PDK3: variants seen among roughly 807,000 people sequenced by gnomAD.
PDK3 encodes pyruvate dehydrogenase kinase, isozyme 3.
A neutral mutation model predicts 32.0 loss-of-function variants in PDK3; 12 were observed. The ratio of observed to expected loss-of-function variants is 0.37; its 90% CI spans 0.24 to 0.61. The LOEUF (loss-of-function observed/expected upper bound fraction) is 0.61, where lower values mean the gene tolerates loss of function less well. Ranked by LOEUF, PDK3 falls within the 20% of genes least tolerant of loss-of-function variation. The pLI, the probability that PDK3 is intolerant of heterozygous loss-of-function variation, is 0.65. For synonymous variants in PDK3, 122 were observed against 116.3 expected (o/e 1.05, Z -0.31); for missense variants, 188 against 316.9 (o/e 0.59, Z 3.09).
intron 1 of PDK3, among the ~76,000 whole-genome samples, chrX:24,471,561 A>G (rs1417714233): frequency 1.8e-5 from 2 of 112,456 alleles, no homozygotes; most frequent in Non-Finnish European, 3.8e-5. Flanking sequence ...CTCTCTTCTC[A>G]GGTTGCAGAG....
At chrX:24,547,865 C>T (rs915728408) in exon 12 of PDK3, 2 of 112,819 alleles carry the variant, frequency 1.8e-5, no homozygotes, top group Non-Finnish European at 3.7e-5. Context: ...ATCGCGTCCA[C>T]GCCTGGCTTT....
chrX:24,529,256 G>A (rs968401366), intron 9 of PDK3, among the ~76,000 whole-genome samples: 2 of 112,006 alleles, frequency 1.8e-5, no homozygotes. Flanking sequence ...ATAGCATCTT[G>A]AGGATAGCTG....
At chrX:24,532,684 G>C (rs983544092) in intron 10 of PDK3, among the ~76,000 whole-genome samples, 13 of 111,865 alleles carry the variant, frequency 1.2e-4, no homozygotes, top group African/African-American at 1.9e-4. Context: ...ATCACCACCG[G>C]TCTCAGCGTC....
chrX:24,496,518 T>G (rs1238083515), intron 2 of PDK3, among the ~76,000 whole-genome samples: 1 of 105,863 alleles, frequency 9.4e-6, no homozygotes, highest in Non-Finnish European at 1.9e-5. Flanking sequence ...TCTTCTAATA[T>G]GTAGAACTTG....
intron 1 of PDK3, among the ~76,000 whole-genome samples, chrX:24,471,423 C>T (rs1920989884): frequency 9.0e-6 from 1 of 111,655 alleles, no homozygotes; most frequent in African/African-American, 3.3e-5. Context: ...TTATTTATGT[C>T]TAGTTTTGTT....
At chrX:24,517,519 G>A (rs949550859) in intron 5 of PDK3, among the ~76,000 whole-genome samples, 28 of 111,651 alleles carry the variant, frequency 2.5e-4, no homozygotes, top group East Asian at 5.6e-4. Flanking sequence ...CACTGCACCC[G>A]GCTCAAGGAC....
chrX:24,499,378 A>G (rs935171962), intron 3 of PDK3, among the ~76,000 whole-genome samples: 3 of 111,468 alleles, frequency 2.7e-5, no homozygotes, highest in African/African-American at 9.8e-5. Context: ...TGCTCCCTTT[A>G]TGCACAGACT....
chrX:24,484,966 C>T (rs1310402130), intron 1 of PDK3, among the ~76,000 whole-genome samples: 1 of 111,297 alleles, frequency 9.0e-6, no homozygotes, highest in Admixed American at 9.6e-5. Context: ...ATGTCCTCAG[C>T]TTAAGGGTAT....
At chrX:24,470,737 C>G (rs1000598340) in intron 1 of PDK3, among the ~76,000 whole-genome samples, 2 of 106,850 alleles carry the variant, frequency 1.9e-5, no homozygotes, top group African/African-American at 6.8e-5. Context: ...GAAAATTATC[C>G]TACTCATTGA....
At chrX:24,534,619 A>G (rs1276740279), downstream of PDK3, among the ~76,000 whole-genome samples, 1 of 112,433 alleles carries the variant, frequency 8.9e-6, no homozygotes, top group East Asian at 2.8e-4. Context: ...GAATGTACTC[A>G]ATGCCACTGA....
At chrX:24,530,417 A>G (rs1922622509) in intron 9 of PDK3, among the ~76,000 whole-genome samples, 1 of 111,909 alleles carries the variant, frequency 8.9e-6, no homozygotes, top group Admixed American at 9.5e-5. Flanking sequence ...CACTGTGCCA[A>G]GATTTTATAC....
chrX:24,505,287 A>G lies in PDK3; in HGVS notation c.584A>G (p.Asp195Gly). 1 of 1,191,244 alleles carries G rather than the reference A, an allele frequency of 8.4e-7. No homozygotes were observed. The highest frequency in any genetic ancestry group is 1.1e-6 in the Non-Finnish European group (1 of 878,023). ...GSIDPTCNVA[D>G]VVKDAYETAK... ...ATCGATCCCACCTGTAACGTGGCGG[A>G]TGTGGTGAAAGGTAAGGAGACCGTT... The change falls in exon 5 of 11, where the codon GAT (aspartate) becomes GGT (glycine). Residue 195 changes from aspartate to glycine, a missense_variant. By Grantham distance (94) the Asp-to-Gly change is moderately conservative. Coordinates refer to ENST00000379162, the MANE Select transcript of PDK3 (RefSeq NM_005391.5).
intron 5 of PDK3, among the ~76,000 whole-genome samples, chrX:24,509,397 T>C (rs1008337367): frequency 2.7e-5 from 3 of 111,615 alleles, no homozygotes; most frequent in Non-Finnish European, 3.8e-5. Flanking sequence ...GCCACTCACT[T>C]AGCATAATTA....
At position 24,471,025 on chromosome X, in the gene PDK3, G is replaced by A. The variant is rs1381964429; in HGVS notation, c.106+5464G>A. 4.5e-5 allele frequency among the ~76,000 whole-genome samples: 5 copies of A among 110,613 alleles called. No homozygotes were observed. The East Asian group carries it at 1.4e-3, about 31-fold the overall frequency. On this transcript the variant is annotated intron_variant, in intron 1 of 10. Transcript: ENST00000379162. ...CAATGAGAACACATGGACACGGCAA[G>A]GGGAACATCACACACCAGGGCCTGT...
intron 9 of PDK3, among the ~76,000 whole-genome samples, chrX:24,530,455 G>GA (rs1922623741): frequency 8.9e-6 from 1 of 111,803 alleles, no homozygotes; most frequent in African/African-American, 3.3e-5. Context: ...CCTTATAGCA[G>GA]CTCTGAGGTC....
downstream of PDK3, among the ~76,000 whole-genome samples, chrX:24,538,731 G>A (rs1238356313): frequency 3.6e-5 from 4 of 111,500 alleles, no homozygotes; most frequent in South Asian, 3.8e-4. Context: ...CCAAGATCAC[G>A]CCACTGCACT....
exon 12 of PDK3, among the ~76,000 whole-genome samples, chrX:24,541,779 T>TAA (rs949823316): frequency 4.4e-5 from 5 of 112,542 alleles, no homozygotes; most frequent in African/African-American, 1.3e-4. Context: ...GGTTTGCCTA[T>TAA]AAGCAAATGG....
Position 24,527,621 on chromosome X carries a change from C to A in PDK3, c.798C>A (p.Gly266=), listed in dbSNP as rs1250656724. 1.0e-5 allele frequency: 12 copies of A among 1,194,484 alleles called. No homozygotes were observed. The highest frequency in any genetic ancestry group is 1.2e-5 in the Non-Finnish European group (11 of 883,453). The change falls in exon 8 of 11, where the codon GGC becomes GGA. Residue 266 remains glycine (G), a synonymous_variant. Transcript: ENST00000379162. Reference sequence around the variant, plus strand: ...AACTCTATGAAGACAGAAAAGAGGGCTACCCTGCTGTTAAAACCCTCGTTA... The same window carrying A: ...AACTCTATGAAGACAGAAAAGAGGGATACCCTGCTGTTAAAACCCTCGTTA... ...TVELYEDRKE[G]YPAVKTLVTL...
chrX:24,503,863 G>C (rs775470274), intron 4 of PDK3, among the ~76,000 whole-genome samples: 3 of 111,730 alleles, frequency 2.7e-5, no homozygotes, highest in Non-Finnish European at 5.6e-5. Flanking sequence ...TCTTTATCCA[G>C]GATATTATGT....
Sources: allele counts gnomAD v4.1 joint callset (sites outside exome capture counted in the v4.1 genomes callset), GRCh38; gene constraint gnomAD v4.1.1; transcripts MANE v1.5; gene names NCBI Gene and HGNC (gene_info 2026-07-23, HGNC 2026-07-21).